Variants in MYO18B observed in about 807,000 individuals in gnomAD.
MYO18B encodes the protein unconventional myosin-XVIIIb.
MYO18B carries 204 observed loss-of-function variants against 273.0 expected under a neutral mutation model. The ratio of observed to expected loss-of-function variants is 0.75; its 90% CI spans 0.67 to 0.84. MYO18B has a LOEUF of 0.84. Ranked by LOEUF, MYO18B falls within the 40% of genes least tolerant of loss-of-function variation. The pLI is 0.00. For missense variants in MYO18B, 3,212 were observed against 3,287.6 expected (o/e 0.98, Z 0.56); for synonymous variants, 1,330 against 1,305.7 (o/e 1.02, Z -0.40).
chr22:25,902,538 C>T, intron 29 of MYO18B, 75 bp from the exon 30 acceptor site: 1 of 1,503,962 alleles, frequency 6.6e-7, no homozygotes, highest in Non-Finnish European at 8.9e-7. Context: ...CTCTGCAGCC[C>T]CTCCCTGCCC....
intron 12 of MYO18B, among the ~76,000 whole-genome samples, chr22:25,816,029 G>T (rs1270181906): frequency 6.6e-6 from 1 of 152,234 alleles, no homozygotes; most frequent in Non-Finnish European, 1.5e-5. Context: ...GGAACAATAT[G>T]TCCAGGTTTG....
intron 8 of MYO18B, among the ~76,000 whole-genome samples, chr22:25,779,179 G>A (rs117194914): frequency 0.09 from 13,631 of 151,956 alleles, 793 homozygotes; most frequent in Middle Eastern, 0.15. Flanking sequence ...CTTCTCAGGG[G>A]CAATATCCTC....
At chr22:25,851,620 T>C (rs1343728796) in intron 21 of MYO18B, 41 bp downstream of exon 21, 2 of 1,367,338 alleles carry the variant, frequency 1.5e-6, no homozygotes, top group Admixed American at 3.9e-5. Flanking sequence ...GCCCTAGATA[T>C]GGATATGTTG....
At chr22:25,782,227 C>T (rs529736019) in intron 10 of MYO18B, among the ~76,000 whole-genome samples, 301 of 152,334 alleles carry the variant, frequency 2.0e-3, no homozygotes, top group Non-Finnish European at 3.6e-3. Flanking sequence ...ACATTCAGCT[C>T]TTTATAAATG....
chr22:25,971,700 T>A (rs1021278183), intron 39 of MYO18B, among the ~76,000 whole-genome samples: 29 of 152,212 alleles, frequency 1.9e-4, no homozygotes, highest in Non-Finnish European at 2.4e-4. Flanking sequence ...CGGCCTCAGT[T>A]AGGAAATCCC....
At chr22:25,763,162 C>CTT (rs133884) in intron 2 of MYO18B, 69 bp from the exon 3 acceptor site, 358,575 of 1,596,652 alleles carry the variant, frequency 0.22, 42,021 homozygotes, top group African/African-American at 0.35. Flanking sequence ...CCATCACAAA[C>CTT]TTTGAAGGGC....
At chr22:25,974,425 T>C (rs1324454591) in intron 39 of MYO18B, among the ~76,000 whole-genome samples, 3 of 152,222 alleles carry the variant, frequency 2.0e-5, no homozygotes, top group Non-Finnish European at 2.9e-5. Flanking sequence ...AAATATGGAA[T>C]ATTGAAATCT....
At chr22:25,781,460 A>T (rs2087146644) in intron 9 of MYO18B, among the ~76,000 whole-genome samples, 2 of 152,144 alleles carry the variant, frequency 1.3e-5, no homozygotes, top group South Asian at 4.1e-4. Context: ...AAACAAAAAA[A>T]TTAGCCGGGC....
intron 11 of MYO18B, among the ~76,000 whole-genome samples, chr22:25,797,435 TCTTC>T (rs2087965824): frequency 6.6e-6 from 1 of 152,150 alleles, no homozygotes; most frequent in South Asian, 2.1e-4. Context: ...AATTACCCCT[TCTTC>T]CTCTGATGTC....
rs1209638067 is a variant in MYO18B, at chr22:25,948,428, TTCCTTCCTTCCTTCCTTCCTTCC to T, written c.5748+602_5748+624del. Among the ~76,000 whole-genome samples the T allele has an allele frequency of 9.7e-5, 12 of 123,630 alleles. No homozygotes were observed. In the East Asian group the frequency reaches 2.3e-3, roughly 24 times the overall value. The allele number at this position is 123,630 out of a possible 152,430, so 81.1% of individuals were successfully genotyped here. A position where few individuals can be genotyped will look rare whatever the true frequency, so the allele number is the denominator to read the frequency against. Reference sequence around the variant, plus strand: ...TGTCTTTCCTTCCTTCCTTCCTTCCTTCCTTCCTTCCTTCCTTCCTTCCTTCCTTCCTTCTTTCTTTCTTTCTT... The same window carrying T: ...TGTCTTTCCTTCCTTCCTTCCTTCCTTTCCTTCCTTCTTTCTTTCTTTCTT... On this transcript the variant is annotated intron_variant, in intron 36 of 43. Transcript: ENST00000335473.
chr22:25,763,167 A>C lies in MYO18B; in HGVS notation c.40-64A>C. On this transcript the variant is annotated intron_variant, in intron 2 of 43. Coordinates refer to ENST00000335473, the MANE Select transcript of MYO18B (RefSeq NM_032608.7). Reference sequence around the variant, plus strand: ...CTCCCAGGCTCCATCACAAACTTTGAAGGGCAGCTTGCTCCTGCTGGTTGA... The same window carrying C: ...CTCCCAGGCTCCATCACAAACTTTGCAGGGCAGCTTGCTCCTGCTGGTTGA... 4 of 1,558,180 alleles carry C rather than the reference A, an allele frequency of 2.6e-6. No homozygotes were observed. The South Asian group carries it at 4.5e-5, about 17-fold the overall frequency.
chr22:25,778,570 C>T (rs1456759411), intron 8 of MYO18B, among the ~76,000 whole-genome samples: 2 of 152,066 alleles, frequency 1.3e-5, no homozygotes, highest in Admixed American at 6.5e-5. Flanking sequence ...GCCTTGACCT[C>T]CAAGGCTTAA....
At chr22:25,884,691 T>G (rs2091445932) in intron 25 of MYO18B, 1 of 152,108 alleles carries the variant, frequency 6.6e-6, no homozygotes, top group African/African-American at 2.4e-5. Context: ...CTGTACAAGG[T>G]AAGGAATGAA....
At chr22:25,924,413 A>G (rs1165923469) in intron 34 of MYO18B, among the ~76,000 whole-genome samples, 8 of 152,246 alleles carry the variant, frequency 5.3e-5, no homozygotes, top group African/African-American at 9.6e-5. Flanking sequence ...TATAAGCACC[A>G]TGGATAGTGA....
chr22:25,879,679 T>A (rs2091287492), intron 25 of MYO18B, among the ~76,000 whole-genome samples: 4 of 152,232 alleles, frequency 2.6e-5, no homozygotes, highest in Admixed American at 2.6e-4. Context: ...CAAAGTCATA[T>A]GCTGTGCTAG....
chr22:25,785,470 T>C lies in MYO18B; in HGVS notation c.2355T>C (p.Phe785=). Residue 785 remains phenylalanine, a synonymous_variant, in exon 11 of 44, where the codon TTT becomes TTC. Transcript: ENST00000335473. ...ACCAGATGGCAGATAGCAGCTCCTT[T>C]GGCATGGGCGTGTGGTCCAAGGTAA... is the stretch of plus-strand genomic sequence containing the variant. The part of the protein sequence containing the change: ...NLHQMADSSS[F]GMGVWSKPED... 2 of 1,612,390 alleles carry C rather than the reference T, an allele frequency of 1.2e-6. No individual in the cohort carries two copies. Among genetic ancestry groups the C allele is most frequent in the Non-Finnish European group, 8.5e-7 (1 of 1,179,314 alleles).
intron 6 of MYO18B, among the ~76,000 whole-genome samples, chr22:25,772,017 G>A (rs2145606614): frequency 6.6e-6 from 1 of 152,330 alleles, no homozygotes; most frequent in East Asian, 1.9e-4. Flanking sequence ...TTTTTGTGGT[G>A]TTTGAGATCC....
At chr22:25,949,511 T>G (rs2092766849) in intron 36 of MYO18B, among the ~76,000 whole-genome samples, 1 of 152,170 alleles carries the variant, frequency 6.6e-6, no homozygotes, top group African/African-American at 2.4e-5. Context: ...CTCCTTGCAA[T>G]ACACCATCCA....
At chr22:25,770,812 T>C in intron 5 of MYO18B, 60 bp from the exon 6 acceptor site, 1 of 1,269,234 alleles carries the variant, frequency 7.9e-7, no homozygotes. Flanking sequence ...CTCGCCTCTT[T>C]CCCCTCTTCC....
Sources: gnomAD v4.1 joint callset for allele counts (sites outside exome capture counted in the v4.1 genomes callset) on GRCh38, gnomAD v4.1.1 for gene constraint, MANE v1.5 for transcripts, NCBI Gene and HGNC (gene_info 2026-07-23, HGNC 2026-07-21) for gene names.